Variants in GSE1 observed in about 807,000 individuals in gnomAD.
GSE1 encodes genetic suppressor element 1.
GSE1 carries 32 observed loss-of-function variants against 112.6 expected under a neutral mutation model. The ratio of observed to expected loss-of-function variants is 0.28; its 90% confidence interval spans 0.21 to 0.38. The LOEUF is 0.38. Ranked by LOEUF, GSE1 falls within the 10% of genes least tolerant of loss-of-function variation. GSE1 has a pLI of 1.00. For missense variants in GSE1, 2,348 were observed against 1,699.2 expected, an observed-to-expected ratio of 1.38 and a Z score of -6.71; for synonymous variants, 1,115 against 735.6, an observed-to-expected ratio of 1.52 and a Z score of -8.35.
intron 2 of GSE1, among the ~76,000 whole-genome samples, chr16:85,528,051 C>T (rs909306796): frequency 6.6e-6 from 1 of 152,096 alleles, no homozygotes; most frequent in Admixed American, 6.5e-5. Context: ...TGTGGGGGGG[C>T]CCCAGCATCA....
intron 2 of GSE1, among the ~76,000 whole-genome samples, chr16:85,528,373 A>G (rs2052428706): frequency 1.3e-5 from 2 of 152,140 alleles, no homozygotes; most frequent in Non-Finnish European, 2.9e-5. Flanking sequence ...CCCAGCTGGT[A>G]CAACCCTAGC....
At chr16:85,655,081 G>GT in intron 5 of GSE1, 90 bp downstream of exon 5, 1 of 851,902 alleles carries the variant, frequency 1.2e-6, no homozygotes, top group Non-Finnish European at 1.9e-6. Context: ...CTTATGACCT[G>GT]AGAGCCAGGC....
chr16:85,380,588 G>A (rs1476650548), intron 2 of GSE1, among the ~76,000 whole-genome samples: 3 of 152,108 alleles, frequency 2.0e-5, no homozygotes, highest in African/African-American at 4.8e-5. Context: ...CCTCATGGTC[G>A]AGGTTTAGTG....
intron 2 of GSE1, among the ~76,000 whole-genome samples, chr16:85,387,165 G>A (rs929738738): frequency 1.1e-4 from 16 of 152,200 alleles, no homozygotes; most frequent in Admixed American, 9.2e-4. Context: ...GTCCAGCACA[G>A]GGTGCTGTGC....
intron 1 of GSE1, among the ~76,000 whole-genome samples, chr16:85,580,667 C>T (rs908289737): frequency 6.6e-6 from 1 of 152,220 alleles, no homozygotes; most frequent in African/African-American, 2.4e-5. Context: ...TGTGGAAGCC[C>T]CGACCCTCAG....
At chr16:85,246,501 C>T (rs1292153786) in intron 1 of GSE1, among the ~76,000 whole-genome samples, 4 of 40,344 alleles carry the variant, frequency 9.9e-5, no homozygotes, top group African/African-American at 4.7e-4. Context: ...ACTCTACACA[C>T]CCCCCCCCCC....
At chr16:85,590,462 C>T (rs542758605) in intron 1 of GSE1, among the ~76,000 whole-genome samples, 63 of 144,166 alleles carry the variant, frequency 4.4e-4, no homozygotes, top group Non-Finnish European at 8.1e-4. Flanking sequence ...ATTGTGTGAG[C>T]GTGTGTGACA....
chr16:85,487,501 C>T (rs1251183295), intron 2 of GSE1, among the ~76,000 whole-genome samples: 1 of 152,124 alleles, frequency 6.6e-6, no homozygotes, highest in African/African-American at 2.4e-5. Flanking sequence ...AGATGTGAGC[C>T]CACAGTGACC....
rs150280492 is a variant in GSE1, at chr16:85,380,393, T to C, written c.2464+22750T>C. On this transcript the variant is annotated intron_variant, in intron 2 of 2. Coordinates refer to the GSE1 transcript ENST00000637419. ...AATTGTGGCAGTGCTAAAACCACCC[T>C]CTAAATCCTCCCTGAGCCCTTGGCC... Among the ~76,000 whole-genome samples the C allele has an allele frequency of 7.2e-3, 1,090 of 152,244 alleles. 7 individuals carry two copies. Among genetic ancestry groups the C allele is most frequent in the African/African-American group, 0.025 (1,045 of 41,536 alleles).
At chr16:85,468,769 T>C (rs375143374) in intron 2 of GSE1, among the ~76,000 whole-genome samples, 1 of 152,156 alleles carries the variant, frequency 6.6e-6, no homozygotes, top group Non-Finnish European at 1.5e-5. Context: ...TCTCCTGATG[T>C]CTAAGAGTAT....
At chr16:85,183,182 C>T (rs530774937) in intron 1 of GSE1, among the ~76,000 whole-genome samples, 39 of 152,268 alleles carry the variant, frequency 2.6e-4, no homozygotes, top group South Asian at 1.7e-3. Context: ...TACACACACC[C>T]GCATGTCCTC....
intron 2 of GSE1, among the ~76,000 whole-genome samples, chr16:85,465,955 A>T (rs2151834311): frequency 6.6e-6 from 1 of 152,340 alleles, no homozygotes; most frequent in East Asian, 1.9e-4. Context: ...TCACATCCGA[A>T]GTCAGTCTGT....
chr16:85,636,035 G>T (rs2049968453), intron 2 of GSE1, among the ~76,000 whole-genome samples: 1 of 152,236 alleles, frequency 6.6e-6, no homozygotes, highest in African/African-American at 2.4e-5. Context: ...GAGTGCCAGA[G>T]GCCGCTGGTC....
At chr16:85,584,516 C>T (rs1021870108) in intron 1 of GSE1, among the ~76,000 whole-genome samples, 1 of 152,174 alleles carries the variant, frequency 6.6e-6, no homozygotes, top group Non-Finnish European at 1.5e-5. Flanking sequence ...TTGGGAGATC[C>T]AGGATGCTGC....
chr16:85,565,914 C>A (rs1479411984), intron 1 of GSE1, among the ~76,000 whole-genome samples: 1 of 152,198 alleles, frequency 6.6e-6, no homozygotes, highest in African/African-American at 2.4e-5. Flanking sequence ...GGTTCCAGGG[C>A]AGCAGGCTTT....
At chr16:85,662,932 G>T (rs781166806) in intron 9 of GSE1, 49 bp from the exon 10 acceptor site, 3 of 1,306,482 alleles carry the variant, frequency 2.3e-6, no homozygotes, top group East Asian at 4.6e-5. Context: ...ATGTCCACTG[G>T]ACAGATGAAG....
chr16:85,256,933 A>G (rs1171925201), intron 1 of GSE1, among the ~76,000 whole-genome samples: 2 of 152,218 alleles, frequency 1.3e-5, no homozygotes, highest in Non-Finnish European at 2.9e-5. Flanking sequence ...TCTCCACTGC[A>G]TTGAGCAACA....
chr16:85,437,061 G>C (rs2049264747), intron 2 of GSE1, among the ~76,000 whole-genome samples: 1 of 152,222 alleles, frequency 6.6e-6, no homozygotes, highest in Non-Finnish European at 1.5e-5. Context: ...GGGGGCGGGG[G>C]CATGGGCGCA....
chr16:85,400,786 G>T (rs1056970872), intron 2 of GSE1, among the ~76,000 whole-genome samples: 1 of 143,580 alleles, frequency 7.0e-6, no homozygotes, highest in Non-Finnish European at 1.5e-5. Context: ...GTCTCTGTGT[G>T]TGTGGTGTGT....
Sources: allele counts gnomAD v4.1 joint callset (sites outside exome capture counted in the v4.1 genomes callset), GRCh38; gene constraint gnomAD v4.1.1; transcripts MANE v1.5; gene names NCBI Gene and HGNC (gene_info 2026-07-23, HGNC 2026-07-21).